The following CXCL13 variants were observed in gnomAD, a reference collection of about 807,000 sequenced individuals.
The protein encoded by CXCL13 is C-X-C motif chemokine ligand 13.
Under a neutral mutation model 12.2 loss-of-function variants are expected in CXCL13, and 7 were observed. That is an observed-to-expected ratio of 0.57 (90% CI 0.33 to 1.07). The LOEUF (loss-of-function observed/expected upper bound fraction) is 1.07, where lower values mean the gene tolerates loss of function less well. Ranked by LOEUF, CXCL13 falls within the 50% of genes least tolerant of loss-of-function variation. CXCL13 has a pLI of 0.04. For synonymous variants in CXCL13, 47 were observed against 42.4 expected (o/e 1.11, Z -0.42); for missense variants, 113 against 127.4 (o/e 0.89, Z 0.55).
At chr4:77,546,209 CT>C (rs1227669358) in intron 1 of CXCL13, among the ~76,000 whole-genome samples, 4 of 152,204 alleles carry the variant, frequency 2.6e-5, no homozygotes, top group African/African-American at 9.6e-5. Context: ...CTAAAATTCT[CT>C]TTTTTTGTTG....
intron 1 of CXCL13, among the ~76,000 whole-genome samples, chr4:77,539,269 C>T (rs570893909): frequency 3.8e-4 from 58 of 152,116 alleles, no homozygotes; most frequent in African/African-American, 1.3e-3. Context: ...TAATTTTAGT[C>T]ATAAAAACTA....
intron 1 of CXCL13, among the ~76,000 whole-genome samples, chr4:77,588,525 A>G (rs1268348999): frequency 6.6e-5 from 10 of 152,236 alleles, no homozygotes; most frequent in African/African-American, 2.4e-4. Context: ...GAGCCTGCTA[A>G]GAGAGCACAG....
chr4:77,598,791 C>T (rs1354279848), intron 1 of CXCL13, among the ~76,000 whole-genome samples: 1 of 152,014 alleles, frequency 6.6e-6, no homozygotes, highest in East Asian at 1.9e-4. Context: ...ATTCATGTCC[C>T]ATTTTTGGCC....
intron 1 of CXCL13, among the ~76,000 whole-genome samples, chr4:77,567,186 C>T (rs1268586640): frequency 1.3e-5 from 2 of 152,142 alleles, no homozygotes; most frequent in East Asian, 1.9e-4. Flanking sequence ...AGATCCACCC[C>T]CTGCCCACAA....
At chr4:77,523,475 G>T (rs1314410733) in intron 1 of CXCL13, among the ~76,000 whole-genome samples, 1 of 152,076 alleles carries the variant, frequency 6.6e-6, no homozygotes, top group Non-Finnish European at 1.5e-5. Context: ...TTCAGTGACT[G>T]ATACTCTTTC....
At position 77,575,055 on chromosome 4, in the gene CXCL13, C is replaced by G. The variant is rs889440224; in HGVS notation, c.-42-30769C>G. ...TAAAAATTAGCTTGCAAAAGAAATT[C>G]TGTGTGTGAACATATTAACTAAATT... On this transcript the variant is annotated intron_variant, in intron 1 of 4. Transcript: ENST00000286758. Among the ~76,000 whole-genome samples the G allele has an allele frequency of 1.6e-4, 25 of 151,862 alleles. 1 individual carries two copies. The highest frequency in any genetic ancestry group is 5.6e-4 in the African/African-American group (23 of 41,168).
At chr4:77,520,011 G>T (rs1458131780) in intron 1 of CXCL13, among the ~76,000 whole-genome samples, 2 of 152,152 alleles carry the variant, frequency 1.3e-5, no homozygotes, top group East Asian at 3.8e-4. Flanking sequence ...GTTTGTCAAA[G>T]ATCAGATGGT....
At chr4:77,578,777 A>T (rs1578062392) in intron 1 of CXCL13, among the ~76,000 whole-genome samples, 1 of 152,200 alleles carries the variant, frequency 6.6e-6, no homozygotes, top group East Asian at 1.9e-4. Flanking sequence ...AGCTGAACTA[A>T]GGAGCAAAAA....
At chr4:77,610,180 T>G (rs973631149) in intron 2 of CXCL13, among the ~76,000 whole-genome samples, 2 of 152,202 alleles carry the variant, frequency 1.3e-5, no homozygotes, top group Non-Finnish European at 2.9e-5. Context: ...TGAATTTTTT[T>G]TTTTCAGTGA....
chr4:77,526,790 AG>A (rs1363573368), intron 1 of CXCL13, among the ~76,000 whole-genome samples: 1 of 152,138 alleles, frequency 6.6e-6, no homozygotes, highest in African/African-American at 2.4e-5. Context: ...GGACTGGCTT[AG>A]GGAGGCCAGG....
intron 1 of CXCL13, among the ~76,000 whole-genome samples, chr4:77,583,283 C>A (rs911189480): frequency 2.0e-5 from 3 of 152,170 alleles, no homozygotes; most frequent in African/African-American, 7.2e-5. Context: ...AAACAGGGAT[C>A]AATATAGCCA....
At chr4:77,568,185 G>GC (rs1725981700) in intron 1 of CXCL13, among the ~76,000 whole-genome samples, 1 of 152,156 alleles carries the variant, frequency 6.6e-6, no homozygotes, top group Non-Finnish European at 1.5e-5. Context: ...TGACAGATGG[G>GC]CATGTCTCCT....
At chr4:77,516,846 C>T (rs1347880783) in intron 1 of CXCL13, among the ~76,000 whole-genome samples, 2 of 152,100 alleles carry the variant, frequency 1.3e-5, no homozygotes, top group African/African-American at 2.4e-5. Flanking sequence ...TTACCTTCTG[C>T]TAGCTTTTGA....
chr4:77,527,564 G>A (rs1176853993), intron 1 of CXCL13, among the ~76,000 whole-genome samples: 1 of 151,998 alleles, frequency 6.6e-6, no homozygotes. Context: ...CCTGAGAGGT[G>A]GAGGTTGCAG....
intron 1 of CXCL13, among the ~76,000 whole-genome samples, chr4:77,573,979 T>C (rs1165774896): frequency 1.3e-5 from 2 of 151,988 alleles, no homozygotes; most frequent in Non-Finnish European, 2.9e-5. Flanking sequence ...TTAAGGCTTA[T>C]TGGCTTCAAT....
intron 1 of CXCL13, among the ~76,000 whole-genome samples, chr4:77,548,175 A>G (rs1262121114): frequency 6.6e-6 from 1 of 152,244 alleles, no homozygotes; most frequent in Non-Finnish European, 1.5e-5. Context: ...TATTTAGAGT[A>G]GCATAATATT....
chr4:77,514,530 T>C (rs1364709496), intron 1 of CXCL13, among the ~76,000 whole-genome samples: 36 of 147,248 alleles, frequency 2.4e-4, no homozygotes, highest in African/African-American at 8.5e-4. Flanking sequence ...TCATTGTGGT[T>C]TTGATTTGCA....
intron 1 of CXCL13, among the ~76,000 whole-genome samples, chr4:77,583,710 A>G (rs1726390193): frequency 6.6e-6 from 1 of 152,140 alleles, no homozygotes; most frequent in South Asian, 2.1e-4. Flanking sequence ...TCTTATTTGC[A>G]TTGACCGGGT....
chr4:77,591,423 C>T (rs1409610934), intron 1 of CXCL13, among the ~76,000 whole-genome samples: 1 of 151,646 alleles, frequency 6.6e-6, no homozygotes, highest in Non-Finnish European at 1.5e-5. Context: ...TGGTGGCAGG[C>T]ACCAGTAGTC....
Sources: gnomAD v4.1 joint callset for allele counts (sites outside exome capture counted in the v4.1 genomes callset) on GRCh38, gnomAD v4.1.1 for gene constraint, MANE v1.5 for transcripts, NCBI Gene and HGNC (gene_info 2026-07-23, HGNC 2026-07-21) for gene names.